Variants in C10orf71 observed in about 807,000 individuals in gnomAD.
C10orf71 encodes chromosome 10 open reading frame 71.
For missense variants in C10orf71, 1,869 were observed against 1,804.5 expected, an observed-to-expected ratio of 1.04 and a Z score of -0.65; for synonymous variants, 758 against 726.3, an observed-to-expected ratio of 1.04 and a Z score of -0.70.
rs1849262808 is a variant in C10orf71 at position 49,326,735 on chromosome 10, C to T, written c.4190C>T (p.Ala1397Val). 6.4e-7 allele frequency: 1 copy of T among 1,551,386 alleles called. No individual in the cohort carries two copies. The highest frequency in any genetic ancestry group is 2.4e-5 in the East Asian group (1 of 40,902). The change falls in exon 3 of 3, where the codon GCA (alanine) becomes GTA (valine). Residue 1397 changes from alanine to valine, a missense_variant. Transcript: ENST00000374144. ...GPHGDCTPHS[A>V]GQRPHGPPQS... ...CACGGTGACTGCACCCCGCACTCTGCAGGCCAGCGCCCTCATGGTCCTCCC... is the reference window on the plus strand; with the variant it reads ...CACGGTGACTGCACCCCGCACTCTGTAGGCCAGCGCCCTCATGGTCCTCCC...
At position 49,323,254 on chromosome 10, in the gene C10orf71, C is replaced by T; in HGVS notation, c.709C>T (p.Pro237Ser). 1 of 1,613,868 alleles carries T rather than the reference C, an allele frequency of 6.2e-7. No homozygotes were observed. The change falls in exon 3 of 3, where the codon CCA (proline) becomes TCA (serine). Residue 237 changes from proline (P) to serine (S), a missense_variant. Coordinates refer to ENST00000374144, the MANE Select transcript of C10orf71 (RefSeq NM_001135196.2). Reference sequence around the variant, plus strand: ...CTGTCACGGCTCCAGCAGCTTCCTCCCAGCAGCCAATGACACGGCCACCTT... The same window carrying T: ...CTGTCACGGCTCCAGCAGCTTCCTCTCAGCAGCCAATGACACGGCCACCTT... ...MACHGSSSFL[P>S]AANDTATLCE...
chr10:49,326,543 T>C lies in C10orf71; in HGVS notation c.3998T>C (p.Val1333Ala). 6.4e-7 allele frequency: 1 copy of C among 1,550,502 alleles called. No homozygotes were observed. The highest frequency in any genetic ancestry group is 8.7e-7 in the Non-Finnish European group (1 of 1,146,844). The change falls in exon 3 of 3, where the codon GTG (valine) becomes GCG (alanine). Residue 1333 changes from valine (V) to alanine (A), a missense_variant. Physicochemically the swap from Val to Ala is moderately conservative, Grantham distance 64 (BLOSUM62 0). Coordinates refer to ENST00000374144, the MANE Select transcript of C10orf71 (RefSeq NM_001135196.2). ...PPPDALAAPY[V>A]LYPGFQPVPV... ...CCGGACGCCCTGGCCGCTCCCTATG[T>C]GCTGTACCCCGGCTTCCAGCCAGTG...
At position 49,324,631 on chromosome 10, in the gene C10orf71, A is replaced by G. The variant is rs1013568915; in HGVS notation, c.2086A>G (p.Lys696Glu). 3.7e-6 allele frequency: 6 copies of G among 1,613,878 alleles called. No homozygotes were observed. Among genetic ancestry groups the G allele is most frequent in the Non-Finnish European group, 5.1e-6 (6 of 1,179,840 alleles). Residue 696 changes from lysine (K) to glutamate (E), a missense_variant, in exon 3 of 3, where the codon AAA becomes GAA. Lys to Glu is a moderately conservative substitution (Grantham distance 56). Coordinates refer to ENST00000374144, the MANE Select transcript of C10orf71 (RefSeq NM_001135196.2). ...AGLQNTHLNQKFFPGPLSPEE... is the reference protein window; with the variant it reads ...AGLQNTHLNQEFFPGPLSPEE... ...ACTTCAGAACACACATTTGAACCAGAAATTCTTCCCAGGGCCCCTCTCTCC... is the reference window on the plus strand; with the variant it reads ...ACTTCAGAACACACATTTGAACCAGGAATTCTTCCCAGGGCCCCTCTCTCC...
chr10:49,317,582 G>A (rs537607959), intron 2 of C10orf71, among the ~76,000 whole-genome samples: 1 of 152,260 alleles, frequency 6.6e-6, no homozygotes, highest in South Asian at 2.1e-4. Flanking sequence ...AGAGCGCAGT[G>A]GCTTATGACT....
chr10:49,313,026 G>T (rs1269851662), intron 1 of C10orf71, among the ~76,000 whole-genome samples: 1 of 152,198 alleles, frequency 6.6e-6, no homozygotes, highest in Non-Finnish European at 1.5e-5. Context: ...TATGCTGCAT[G>T]AAAAAGAAAC....
intron 2 of C10orf71, among the ~76,000 whole-genome samples, chr10:49,318,358 A>G (rs10776559): frequency 0.97 from 147,452 of 152,298 alleles, 71,573 homozygotes; most frequent in East Asian, 1. Context: ...GGGTCTCCCC[A>G]ACCCATCACG....
chr10:49,318,512 G>A (rs1849037659), intron 2 of C10orf71, among the ~76,000 whole-genome samples: 1 of 152,236 alleles, frequency 6.6e-6, no homozygotes, highest in African/African-American at 2.4e-5. Context: ...CAGGTCAGTA[G>A]CTACTCGTCA....
At chr10:49,306,099 CGCTCCCTGTCGACCTG>C (rs1848808217) in intron 1 of C10orf71, among the ~76,000 whole-genome samples, 1 of 152,248 alleles carries the variant, frequency 6.6e-6, no homozygotes, top group African/African-American at 2.4e-5. Flanking sequence ...GCCATTCACT[CGCTCCCTGTCGACCTG>C]GCAGGTGAGG....
chr10:49,325,672 C>G lies in C10orf71; in HGVS notation c.3127C>G (p.Pro1043Ala). 1 of 1,552,062 alleles carries G rather than the reference C, an allele frequency of 6.4e-7. No individual in the cohort carries two copies. Among genetic ancestry groups the G allele is most frequent in the Non-Finnish European group, 8.7e-7 (1 of 1,147,070 alleles). ...SHFLSTPRAG[P>A]PGRRLVPSER... ...CTTTTTGTCCACACCCAGAGCAGGG[C>G]CCCCTGGCAGAAGACTGGTCCCCAG... Residue 1043 changes from proline to alanine, a missense_variant, in exon 3 of 3, where the codon CCC becomes GCC. By Grantham distance (27) the Pro-to-Ala change is conservative. Coordinates refer to ENST00000374144, the MANE Select transcript of C10orf71 (RefSeq NM_001135196.2).
intron 1 of C10orf71, among the ~76,000 whole-genome samples, chr10:49,309,520 C>G (rs981292757): frequency 3.3e-5 from 5 of 152,140 alleles, no homozygotes; most frequent in Non-Finnish European, 5.9e-5. Flanking sequence ...TTTAAGCCTC[C>G]TAGCCTATGA....
intron 1 of C10orf71, among the ~76,000 whole-genome samples, chr10:49,304,075 G>A (rs1848772577): frequency 6.6e-6 from 1 of 152,218 alleles, no homozygotes; most frequent in South Asian, 2.1e-4. Flanking sequence ...GGCCAGGGAA[G>A]ATGAGCTCTG....
rs763773384 is a variant in C10orf71, at chr10:49,323,133, G to A, written c.588G>A (p.Arg196=). Residue 196 remains arginine (R), a synonymous_variant, in exon 3 of 3, where the codon AGG becomes AGA. Transcript: ENST00000374144. The stretch of plus-strand genomic sequence containing the variant: ...TCGATTCTGCCTTTCTGACAGTCAG[G>A]AGGGTGCCCGCTGAAGTTTCCAACA... ...FCFDSAFLTV[R]RVPAEVSNTH... is the part of the protein sequence containing the mutation. 6.8e-6 allele frequency: 11 copies of A among 1,613,880 alleles called. No homozygotes were observed. The highest frequency in any genetic ancestry group is 1.7e-6 in the Non-Finnish European group (2 of 1,179,908).
Position 49,323,679 on chromosome 10 carries a change from G to A in C10orf71, c.1134G>A (p.Gln378=). ...SQPDSQEKPA[Q]PPWRKPKTGK... ...CTGATTCTCAAGAGAAGCCAGCCCA[G>A]CCCCCATGGAGGAAGCCAAAGACTG... Residue 378 remains glutamine, a synonymous_variant, in exon 3 of 3, where the codon CAG becomes CAA. Coordinates refer to ENST00000374144, the MANE Select transcript of C10orf71 (RefSeq NM_001135196.2). The A allele has an allele frequency of 1.9e-6, 3 of 1,613,522 alleles. No individual in the cohort carries two copies. The highest frequency in any genetic ancestry group is 3.3e-4 in the Middle Eastern group (2 of 6,062).
At chr10:49,299,298 G>C (rs1848683070) in intron 1 of C10orf71, 65 bp downstream of exon 1, 1 of 152,276 alleles carries the variant, frequency 6.6e-6, no homozygotes, top group African/African-American at 2.4e-5. Flanking sequence ...AGGTGGGTAG[G>C]TTTGTGAGCT....
In C10orf71 at chr10:49,326,664, G is replaced by A. The variant is rs758876456; in HGVS notation, c.4119G>A (p.Arg1373=). The A allele has an allele frequency of 1.3e-6, 2 of 1,550,660 alleles. No individual in the cohort carries two copies. The highest frequency in any genetic ancestry group is 1.7e-4 in the Middle Eastern group (1 of 5,992). ...QGPRASAARA[R]TQSVHESGLQ... is the part of the protein sequence containing the mutation. ...CTCGTGCCTCCGCGGCCCGCGCCAG[G>A]ACCCAGAGTGTCCACGAGTCTGGAC... Residue 1373 remains arginine, a synonymous_variant, in exon 3 of 3, where the codon AGG becomes AGA. Coordinates refer to ENST00000374144, the MANE Select transcript of C10orf71 (RefSeq NM_001135196.2).
chr10:49,325,627 A>T lies in C10orf71; in HGVS notation c.3082A>T (p.Thr1028Ser). Residue 1028 changes from threonine to serine, a missense_variant, in exon 3 of 3, where the codon ACA becomes TCA. Transcript: ENST00000374144. Reference protein sequence around the residue: ...WQPENCWEEQTPGFKSHFLST... With the variant: ...WQPENCWEEQSPGFKSHFLST... ...GCCCGAAAACTGTTGGGAAGAGCAA[A>T]CACCAGGTTTCAAGAGTCACTTTTT... 6.4e-7 allele frequency: 1 copy of T among 1,552,132 alleles called. No homozygotes were observed. The highest frequency in any genetic ancestry group is 8.7e-7 in the Non-Finnish European group (1 of 1,147,096).
intron 1 of C10orf71, among the ~76,000 whole-genome samples, chr10:49,312,400 G>T (rs1040878218): frequency 3.3e-5 from 5 of 152,222 alleles, no homozygotes; most frequent in African/African-American, 4.8e-5. Context: ...GCAGAACATG[G>T]CGCTGTTGAG....
chr10:49,309,164 A>G (rs1848868357), intron 1 of C10orf71, among the ~76,000 whole-genome samples: 2 of 152,208 alleles, frequency 1.3e-5, no homozygotes, highest in African/African-American at 4.8e-5. Context: ...CAACTGAGGA[A>G]GTAAATTTTG....
rs1849214558 is a variant in C10orf71 at position 49,325,587 on chromosome 10, G to A, written c.3042G>A (p.Gln1014=). 3.2e-6 allele frequency: 5 copies of A among 1,550,926 alleles called. No homozygotes were observed. The highest frequency in any genetic ancestry group is 4.4e-6 in the Non-Finnish European group (5 of 1,146,174). Reference sequence around the variant, plus strand: ...TACCCGAGGGTGACATAGAAGACCAGCCACCCCCATGGCAGCCCGAAAACT... The same window carrying A: ...TACCCGAGGGTGACATAGAAGACCAACCACCCCCATGGCAGCCCGAAAACT... ...IALPEGDIED[Q]PPPWQPENCW... The change falls in exon 3 of 3, where the codon CAG becomes CAA. Residue 1014 remains glutamine (Q), a synonymous_variant. Transcript: ENST00000374144.
Sources: gnomAD v4.1 joint callset for allele counts (sites outside exome capture counted in the v4.1 genomes callset) on GRCh38, gnomAD v4.1.1 for gene constraint, MANE v1.5 for transcripts, NCBI Gene and HGNC (gene_info 2026-07-23, HGNC 2026-07-21) for gene names.